The following SZT2 variants were observed in gnomAD, a reference collection of about 807,000 sequenced individuals.
SZT2 encodes the protein SZT2 subunit of KICSTOR complex.
SZT2 carries 216 observed loss-of-function variants against 404.2 expected under a neutral mutation model. That is an observed-to-expected ratio of 0.53 (90% CI 0.48 to 0.60). The LOEUF (loss-of-function observed/expected upper bound fraction) is 0.60. Ranked by LOEUF, SZT2 falls within the 20% of genes least tolerant of loss-of-function variation. The pLI is 0.00. For synonymous variants in SZT2, 1,693 were observed against 1,749.9 expected, an observed-to-expected ratio of 0.97 and a Z score of 0.81; for missense variants, 3,857 against 4,459.2, an observed-to-expected ratio of 0.86 and a Z score of 3.85.
intron 7 of SZT2, among the ~76,000 whole-genome samples, chr1:43,418,459 C>T (rs537300403): frequency 2.0e-5 from 3 of 152,194 alleles, no homozygotes; most frequent in African/African-American, 4.8e-5. Context: ...AAGATGTCTG[C>T]GAAGGGCCTC....
chr1:43,421,956 T>G (rs1181818145), intron 11 of SZT2, 127 bp from the exon 12 acceptor site: 95 of 1,050,878 alleles, frequency 9.0e-5, no homozygotes, highest in Non-Finnish European at 2.9e-5. Flanking sequence ...CAGGCTGGGC[T>G]GTAGCCTCAA....
In SZT2 at chr1:43,438,827, C is replaced by T. The variant is rs2153935280; in HGVS notation, c.6627+10C>T. 4 of 1,611,964 alleles carry T rather than the reference C, an allele frequency of 2.5e-6. No homozygotes were observed. The highest frequency in any genetic ancestry group is 3.4e-6 in the Non-Finnish European group (4 of 1,178,518). ...ACCAGCTGATGTGGAGGTCAGCTCC[C>T]CTCTAGGCACCAGCATCCTTCCCAG... is the stretch of plus-strand genomic sequence containing the variant. On this transcript the variant is annotated intron_variant, in intron 47 of 71. Transcript: ENST00000634258.
chr1:43,396,027 C>A (rs1306472958), intron 1 of SZT2, among the ~76,000 whole-genome samples: 1 of 152,150 alleles, frequency 6.6e-6, no homozygotes, highest in Non-Finnish European at 1.5e-5. Context: ...AAGCCAGGTG[C>A]ATGAGGATAA....
chr1:43,452,154 C>G lies in SZT2; in HGVS notation c.*1674C>G, dbSNP rs1056938973. 2 of 1,534,182 alleles carry G rather than the reference C, an allele frequency of 1.3e-6. No individual in the cohort carries two copies. Among genetic ancestry groups the G allele is most frequent in the South Asian group, 1.1e-5 (1 of 87,450 alleles). Reference sequence around the variant, plus strand: ...CTGTCCCCACTGTGCACCCCCTTCTCCGCACACCCACAGAGACATGTAAGT... The same window carrying G: ...CTGTCCCCACTGTGCACCCCCTTCTGCGCACACCCACAGAGACATGTAAGT... On this transcript the variant is annotated 3_prime_UTR_variant, in exon 72 of 72. Coordinates refer to ENST00000634258, the MANE Select transcript of SZT2 (RefSeq NM_001365999.1).
chr1:43,391,631 G>T (rs928904283), intron 1 of SZT2, among the ~76,000 whole-genome samples: 1 of 152,188 alleles, frequency 6.6e-6, no homozygotes, highest in Non-Finnish European at 1.5e-5. Context: ...AAACAGTTTA[G>T]AGGATGTTTC....
chr1:43,446,340 AG>A lies in SZT2; in HGVS notation c.8999del, dbSNP rs1280126428. On this transcript the variant is annotated splice_acceptor_variant, in intron 64 of 71. Transcript: ENST00000634258. LOFTEE classifies it high-confidence loss of function. ...CTGATCTCATCTTCACCTTCCCTCC[AG>A]GGCTGTTACTTCTGTGTCAAACAGT... 1 of 1,614,206 alleles carries A rather than the reference AG, an allele frequency of 6.2e-7. No homozygotes were observed. Among genetic ancestry groups the A allele is most frequent in the South Asian group, 1.1e-5 (1 of 91,086 alleles).
At position 43,439,054 on chromosome 1, in the gene SZT2, T is replaced by C; in HGVS notation, c.6753T>C (p.Ser2251=). Residue 2251 remains serine (S), a synonymous_variant, in exon 48 of 72, where the codon TCT becomes TCC. Coordinates refer to ENST00000634258, the MANE Select transcript of SZT2 (RefSeq NM_001365999.1). This position sits in a 1 kb window ranked among gnomAD's most constrained non-coding sequence, Gnocchi z 4.2. ...LRQNLLIFLH[S]PKYTDSNSRN... is the part of the protein sequence containing the mutation. ...AGAACTTGCTCATCTTCCTGCACTC[T>C]CCCAAGTACACAGATAGCAACAGCC... 6.2e-7 allele frequency: 1 copy of C among 1,614,120 alleles called. No homozygotes were observed. The highest frequency in any genetic ancestry group is 8.5e-7 in the Non-Finnish European group (1 of 1,180,022).
At position 43,443,640 on chromosome 1, in the gene SZT2, C is replaced by T. The variant is rs757574042; in HGVS notation, c.8669C>T (p.Pro2890Leu). 3.0e-5 allele frequency: 48 copies of T among 1,614,104 alleles called. No homozygotes were observed. The highest frequency in any genetic ancestry group is 3.8e-5 in the Non-Finnish European group (45 of 1,180,048). Residue 2890 changes from proline to leucine, a missense_variant, in exon 62 of 72, where the codon CCC becomes CTC. Around this residue, in one of 7 missense-constraint regions of SZT2, gnomAD observed 717 missense variants for 868.2 expected, o/e 0.83. Coordinates refer to ENST00000634258, the MANE Select transcript of SZT2 (RefSeq NM_001365999.1). ...TCAGGGTCTGGGAGCCGAGAGGCCC[C>T]CACAAGCTGTGAATCCTTGGATGTG... is the stretch of plus-strand genomic sequence containing the variant. Reference protein sequence around the residue: ...PESGSGSREAPTSCESLDVSP... With the variant: ...PESGSGSREALTSCESLDVSP...
Position 43,403,231 on chromosome 1 carries a change from C to T in SZT2, c.82C>T (p.Arg28Ter), listed in dbSNP as rs776627066. The stretch of plus-strand genomic sequence containing the variant: ...AATGAAAAAGGATTATCGAATCTCC[C>T]GAAATGTTCGCCTGGCTTGGTTCCT... Reference protein sequence around the residue: ...LLMKKDYRISRNVRLAWFLSH... With the variant: ...LLMKKDYRIS Residue 28 changes from arginine to a stop codon, truncating the protein, a stop_gained, in exon 2 of 72, where the codon CGA (arginine) becomes TGA (stop). Transcript: ENST00000634258. LOFTEE classifies it high-confidence loss of function. The T allele has an allele frequency of 1.2e-6, 2 of 1,614,116 alleles. No individual in the cohort carries two copies. The highest frequency in any genetic ancestry group is 1.7e-6 in the Non-Finnish European group (2 of 1,180,034).
At chr1:43,408,339 A>G (rs1456502156) in intron 4 of SZT2, among the ~76,000 whole-genome samples, 1 of 152,116 alleles carries the variant, frequency 6.6e-6, no homozygotes, top group African/African-American at 2.4e-5. Flanking sequence ...TCATAGCTCA[A>G]TGTAACCTTC....
In SZT2 at chr1:43,427,646, G is replaced by A. The variant is rs1653334789; in HGVS notation, c.3715G>A (p.Val1239Ile). ...GGATGGGCCCCGGACCCGGTGTCCTGTCTACATCTACAGCTGTTCACTGGA... is the reference window on the plus strand; with the variant it reads ...GGATGGGCCCCGGACCCGGTGTCCTATCTACATCTACAGCTGTTCACTGGA... ...SADGPRTRCPVYIYSCSLEAL... is the reference protein window; with the variant it reads ...SADGPRTRCPIYIYSCSLEAL... Residue 1239 changes from valine to isoleucine, a missense_variant, in exon 26 of 72, where the codon GTC becomes ATC. By Grantham distance (29) the Val-to-Ile change is conservative. This residue lies in a region of SZT2 where 1,725 missense variants were observed against 1,881.0 expected (regional missense o/e 0.92). Transcript: ENST00000634258. 3 of 1,614,196 alleles carry A rather than the reference G, an allele frequency of 1.9e-6. No homozygotes were observed. The highest frequency in any genetic ancestry group is 2.5e-6 in the Non-Finnish European group (3 of 1,180,046).
chr1:43,443,620 G>A lies in SZT2; in HGVS notation c.8649G>A (p.Gly2883=), dbSNP rs762528944. ...AGCGGCGCCATCGCCCTGAGTCAGG[G>A]TCTGGGAGCCGAGAGGCCCCCACAA... is the stretch of plus-strand genomic sequence containing the variant. ...DGQRRHRPES[G]SGSREAPTSC... The change falls in exon 62 of 72, where the codon GGG becomes GGA. Residue 2883 remains glycine (G), a synonymous_variant. Transcript: ENST00000634258. 3 of 1,614,162 alleles carry A rather than the reference G, an allele frequency of 1.9e-6. No homozygotes were observed. The highest frequency in any genetic ancestry group is 3.3e-5 in the Admixed American group (2 of 60,030).
At chr1:43,431,403 T>C in intron 34 of SZT2, 31 bp downstream of exon 34, 1 of 1,613,410 alleles carries the variant, frequency 6.2e-7, no homozygotes. Context: ...CAGAGTTCAT[T>C]ACTGCTTTTC....
intron 3 of SZT2, 23 bp from the exon 4 acceptor site, chr1:43,404,357 G>A (rs1321048044): frequency 6.2e-7 from 1 of 1,601,896 alleles, no homozygotes; most frequent in East Asian, 2.2e-5. Context: ...GGACCCCCTT[G>A]AGTGCTCTTT....
rs764368395 is a variant in SZT2, at chr1:43,404,530, A to G, written c.478A>G (p.Ile160Val). 1.2e-5 allele frequency: 20 copies of G among 1,613,278 alleles called. No individual in the cohort carries two copies. The highest frequency in any genetic ancestry group is 1.4e-5 in the Non-Finnish European group (17 of 1,179,786). Residue 160 changes from isoleucine (I) to valine (V), a missense_variant, in exon 4 of 72, where the codon ATT (isoleucine) becomes GTT (valine). Ile to Val is a conservative substitution (Grantham distance 29, BLOSUM62 3). Transcript: ENST00000634258. ...YVTIQAYSSIIGLQSHQVLVQ... is the reference protein window; with the variant it reads ...YVTIQAYSSIVGLQSHQVLVQ... ...AACTATCCAGGCCTACTCCTCCATC[A>G]TTGGACTGCAGTCCCACCAGGTATT...
chr1:43,428,780 G>A, intron 28 of SZT2: 2 of 379,274 alleles, frequency 5.3e-6, no homozygotes, highest in Admixed American at 3.8e-5. Context: ...CTTGTTCTGA[G>A]GACATCCACA....
At position 43,424,919 on chromosome 1, in the gene SZT2, A is replaced by C; in HGVS notation, c.2550+57A>C. ...CAAGGTCTGTCATAATCCCAGGGAC[A>C]CTCACCTCTGAGCTGGGTTGGGACT... On this transcript the variant is annotated intron_variant, in intron 17 of 71. Coordinates refer to ENST00000634258, the MANE Select transcript of SZT2 (RefSeq NM_001365999.1). The surrounding 1 kb of genome is among the most constrained non-coding windows in gnomAD (Gnocchi z 4.1). The C allele has an allele frequency of 6.4e-7, 1 of 1,572,010 alleles. No homozygotes were observed. The highest frequency in any genetic ancestry group is 2.2e-5 in the East Asian group (1 of 44,626).
Position 43,443,098 on chromosome 1 carries a change from G to C in SZT2, c.8419+12G>C. Reference sequence around the variant, plus strand: ...GGCAGAGCGCAGAGGTGAGGGTACTGGGCCAGGCAGCAGGGACAGGAAATC... The same window carrying C: ...GGCAGAGCGCAGAGGTGAGGGTACTCGGCCAGGCAGCAGGGACAGGAAATC... On this transcript the variant is annotated intron_variant, in intron 59 of 71. Transcript: ENST00000634258. The C allele has an allele frequency of 6.2e-7, 1 of 1,611,714 alleles. No homozygotes were observed.
In SZT2 at chr1:43,447,785, G is replaced by T. The variant is rs571562008; in HGVS notation, c.9441-64G>T. 6.8e-5 allele frequency: 110 copies of T among 1,611,164 alleles called. 1 individual carries two copies. In the South Asian group the frequency reaches 1.2e-3, roughly 17 times the overall value. ...AGTAGGGAGACCAATGTTTTCTTGG[G>T]CAGGGGTGAGGTTTGTTTTATTAGA... On this transcript the variant is annotated intron_variant, in intron 67 of 71. Coordinates refer to ENST00000634258, the MANE Select transcript of SZT2 (RefSeq NM_001365999.1).
Sources: gnomAD v4.1 joint callset for allele counts (sites outside exome capture counted in the v4.1 genomes callset) on GRCh38, gnomAD v4.1.1 for gene constraint, gnomAD v4.1.1 regional missense constraint, Gnocchi (gnomAD v3.1) non-coding constraint, MANE v1.5 for transcripts, NCBI Gene and HGNC (gene_info 2026-07-23, HGNC 2026-07-21) for gene names.